The following AKAP19 variants were observed in gnomAD, a reference collection of about 807,000 sequenced individuals.
AKAP19 encodes the protein small A-kinase anchoring protein.
the AKAP19 span, among the ~76,000 whole-genome samples, chr2:190,084,287 T>C: frequency 6.6e-6 from 1 of 151,990 alleles, no homozygotes. Flanking sequence ...GAGACAGGGT[T>C]TTACCATGTT....
At chr2:189,888,569 A>G in the AKAP19 span, among the ~76,000 whole-genome samples, 2 of 152,182 alleles carry the variant, frequency 1.3e-5, no homozygotes, top group African/African-American at 4.8e-5. Context: ...CTTCCTATTC[A>G]TGAGCATGGA....
the AKAP19 span, among the ~76,000 whole-genome samples, chr2:190,187,120 T>C: frequency 6.6e-6 from 1 of 152,094 alleles, no homozygotes; most frequent in Admixed American, 6.5e-5. Context: ...TTGGTATTTT[T>C]ATTAATCACA....
At chr2:190,119,194 G>T in the AKAP19 span, among the ~76,000 whole-genome samples, 14 of 152,332 alleles carry the variant, frequency 9.2e-5, no homozygotes, top group South Asian at 2.9e-3. Context: ...ACATGGAGTG[G>T]TTTTAAGGAG....
chr2:189,927,049 A>G, the AKAP19 span, among the ~76,000 whole-genome samples: 110 of 151,908 alleles, frequency 7.2e-4, no homozygotes, highest in Admixed American at 2.1e-3. Flanking sequence ...ATGCCTGGTT[A>G]ATTTTTTTTA....
chr2:190,153,031 G>A, the AKAP19 span, among the ~76,000 whole-genome samples: 12 of 152,080 alleles, frequency 7.9e-5, no homozygotes, highest in African/African-American at 2.9e-4. Context: ...GAGTAGCTGG[G>A]ACTACAGGTG....
At chr2:190,047,590 T>A in the AKAP19 span, among the ~76,000 whole-genome samples, 1 of 152,178 alleles carries the variant, frequency 6.6e-6, no homozygotes, top group Non-Finnish European at 1.5e-5. Context: ...CCTCTCCCCT[T>A]CTCTCTCCAT....
At chr2:189,908,768 G>A in the AKAP19 span, among the ~76,000 whole-genome samples, 2 of 151,934 alleles carry the variant, frequency 1.3e-5, no homozygotes, top group African/African-American at 4.8e-5. Context: ...TTTTGTTGTG[G>A]CCTAACATAT....
the AKAP19 span, among the ~76,000 whole-genome samples, chr2:190,047,006 T>C: frequency 6.6e-6 from 1 of 152,196 alleles, no homozygotes; most frequent in Non-Finnish European, 1.5e-5. Flanking sequence ...TTATTTAAAG[T>C]GAGTTTTTTA....
chr2:190,033,661 G>T, the AKAP19 span, among the ~76,000 whole-genome samples: 1 of 152,192 alleles, frequency 6.6e-6, no homozygotes, highest in African/African-American at 2.4e-5. Flanking sequence ...GAATTATTCA[G>T]TTTTGCTTTG....
chr2:190,177,292 A>G, the AKAP19 span, among the ~76,000 whole-genome samples: 1 of 152,072 alleles, frequency 6.6e-6, no homozygotes, highest in African/African-American at 2.4e-5. The surrounding 1 kb of genome is among the most constrained non-coding windows in gnomAD (Gnocchi z 4.6). Context: ...TTCTTTATAA[A>G]TCTTTTCTGT....
At chr2:189,975,689 C>T in the AKAP19 span, among the ~76,000 whole-genome samples, 1 of 151,910 alleles carries the variant, frequency 6.6e-6, no homozygotes, top group Non-Finnish European at 1.5e-5. Context: ...TCTTTTTACT[C>T]TTTTTTTTCT....
At chr2:190,015,148 C>T in the AKAP19 span, among the ~76,000 whole-genome samples, 6 of 152,202 alleles carry the variant, frequency 3.9e-5, no homozygotes, top group Non-Finnish European at 8.8e-5. Flanking sequence ...CCAGTGAGGA[C>T]TCTCTGTGGG....
chr2:190,088,407 C>T, the AKAP19 span, among the ~76,000 whole-genome samples: 7 of 152,114 alleles, frequency 4.6e-5, no homozygotes, highest in Admixed American at 2.0e-4. Context: ...CCTTTACCAT[C>T]GTTTCCTTTT....
chr2:190,118,514 C>T, the AKAP19 span, among the ~76,000 whole-genome samples: 1 of 152,306 alleles, frequency 6.6e-6, no homozygotes, highest in Admixed American at 6.5e-5. Flanking sequence ...AAAAGCTTAT[C>T]CACCATGATC....
the AKAP19 span, among the ~76,000 whole-genome samples, chr2:190,133,003 A>T: frequency 2.0e-5 from 3 of 152,034 alleles, no homozygotes; most frequent in Non-Finnish European, 2.9e-5. Flanking sequence ...TTGGGAGGCC[A>T]AGGTGGGCGG....
the AKAP19 span, among the ~76,000 whole-genome samples, chr2:189,922,444 A>G: frequency 6.6e-6 from 1 of 152,212 alleles, no homozygotes; most frequent in African/African-American, 2.4e-5. Flanking sequence ...AGACATGGGT[A>G]TAGAGAGAAG....
chr2:190,021,754 T>C, the AKAP19 span, among the ~76,000 whole-genome samples: 3 of 152,248 alleles, frequency 2.0e-5, no homozygotes, highest in Non-Finnish European at 4.4e-5. Context: ...CAGATCTGCA[T>C]GATAATCTGA....
At chr2:189,930,560 C>A in the AKAP19 span, 9,864 of 231,692 alleles carry the variant, frequency 0.043, 367 homozygotes, top group African/African-American at 0.1. Flanking sequence ...CCTGTAGTCC[C>A]AGCTACTCCG....
the AKAP19 span, among the ~76,000 whole-genome samples, chr2:190,107,637 T>G: frequency 6.6e-6 from 1 of 152,196 alleles, no homozygotes; most frequent in Admixed American, 6.5e-5. Context: ...AGAAGTGTAT[T>G]GCTGAAAGAG....
Sources: gnomAD v4.1 joint callset for allele counts (sites outside exome capture counted in the v4.1 genomes callset) on GRCh38, gnomAD v4.1.1 for gene constraint, Gnocchi (gnomAD v3.1) non-coding constraint, MANE v1.5 for transcripts, NCBI Gene and HGNC (gene_info 2026-07-23, HGNC 2026-07-21) for gene names.